Variants in MAGI2 observed in about 807,000 individuals in gnomAD.
The protein encoded by MAGI2 is membrane associated guanylate kinase, WW and PDZ domain containing 2.
MAGI2 carries 35 observed loss-of-function variants against 133.3 expected under a neutral mutation model. The observed-to-expected ratio is 0.26, with a 90% CI of 0.20 to 0.35. The LOEUF is 0.35. Ranked by LOEUF, MAGI2 falls within the 10% of genes least tolerant of loss-of-function variation. The pLI, the probability that MAGI2 is intolerant of heterozygous loss-of-function variation, is 1.00. For missense variants in MAGI2, 1,636 were observed against 1,863.4 expected, an observed-to-expected ratio of 0.88 and a Z score of 2.25; for synonymous variants, 729 against 710.6, an observed-to-expected ratio of 1.03 and a Z score of -0.41.
At chr7:79,298,477 G>T (rs983796688) in intron 1 of MAGI2, among the ~76,000 whole-genome samples, 1 of 152,002 alleles carries the variant, frequency 6.6e-6, no homozygotes, top group Non-Finnish European at 1.5e-5. Context: ...AAAAAAACCT[G>T]CCAGTGTTCT....
intron 2 of MAGI2, among the ~76,000 whole-genome samples, chr7:78,886,175 T>C (rs992669877): frequency 1.3e-5 from 2 of 152,216 alleles, no homozygotes; most frequent in Non-Finnish European, 2.9e-5. Flanking sequence ...TGTGATCAAG[T>C]TGACTTACCT....
chr7:78,162,300 C>T (rs544449786), intron 15 of MAGI2, among the ~76,000 whole-genome samples: 503 of 148,952 alleles, frequency 3.4e-3, no homozygotes, highest in African/African-American at 0.012. Flanking sequence ...CTGAGGCGGG[C>T]GGATCACGAG....
At chr7:79,181,160 C>A (rs1585135437) in intron 1 of MAGI2, among the ~76,000 whole-genome samples, 1 of 152,068 alleles carries the variant, frequency 6.6e-6, no homozygotes. Flanking sequence ...CCTCTTCTCA[C>A]AACTCCACTA....
chr7:79,002,315 GTGTTTTC>G (rs1429417708), intron 2 of MAGI2, among the ~76,000 whole-genome samples: 2 of 151,596 alleles, frequency 1.3e-5, no homozygotes, highest in African/African-American at 4.8e-5. Flanking sequence ...TGTAGAGATA[GTGTTTTC>G]TTAAGGGGTC....
intron 2 of MAGI2, among the ~76,000 whole-genome samples, chr7:78,739,818 C>T (rs924325720): frequency 6.6e-6 from 1 of 152,250 alleles, no homozygotes; most frequent in South Asian, 2.1e-4. Flanking sequence ...TTTCCCTCTT[C>T]ACGTCGGTAA....
At chr7:78,935,771 C>T (rs956857146) in intron 2 of MAGI2, among the ~76,000 whole-genome samples, 1 of 152,004 alleles carries the variant, frequency 6.6e-6, no homozygotes, top group Non-Finnish European at 1.5e-5. Context: ...AGATCATTGA[C>T]TCTCTGTAAA....
chr7:79,315,790 A>T lies in MAGI2; in HGVS notation c.301+137230T>A, dbSNP rs535791871. Among the ~76,000 whole-genome samples the T allele has an allele frequency of 4.1e-4, 63 of 152,262 alleles. 2 individuals are homozygous for T. In the South Asian group the frequency reaches 0.013, roughly 31 times the overall value. On this transcript the variant is annotated intron_variant, in intron 1 of 21. Coordinates refer to ENST00000354212, the MANE Select transcript of MAGI2 (RefSeq NM_012301.4). Reference sequence around the variant, plus strand: ...AAAAGAGGAGGCAGGAATGGAGTCAAGACTGGGTGGAGACCTGAGATGAGG... The same window carrying T: ...AAAAGAGGAGGCAGGAATGGAGTCATGACTGGGTGGAGACCTGAGATGAGG...
chr7:78,233,902 G>T (rs530393175), intron 10 of MAGI2, among the ~76,000 whole-genome samples: 1 of 152,130 alleles, frequency 6.6e-6, no homozygotes, highest in Non-Finnish European at 1.5e-5. Flanking sequence ...TCCTTAGCAT[G>T]AGGGAGAGAA....
chr7:78,213,758 C>T (rs988211544), intron 10 of MAGI2, among the ~76,000 whole-genome samples: 1 of 152,246 alleles, frequency 6.6e-6, no homozygotes, highest in Non-Finnish European at 1.5e-5. Context: ...CTTTGTCGAT[C>T]ATGCGACAGT....
At chr7:78,251,212 A>G (rs1792349767) in intron 10 of MAGI2, among the ~76,000 whole-genome samples, 1 of 152,204 alleles carries the variant, frequency 6.6e-6, no homozygotes, top group African/African-American at 2.4e-5. Flanking sequence ...CCAGCAAACC[A>G]AGAATAGAAG....
At chr7:79,382,115 T>C (rs2129143470) in intron 1 of MAGI2, among the ~76,000 whole-genome samples, 1 of 151,732 alleles carries the variant, frequency 6.6e-6, no homozygotes, top group East Asian at 1.9e-4. Context: ...ATTCCCAGTC[T>C]CCCCTTAAGT....
intron 1 of MAGI2, among the ~76,000 whole-genome samples, chr7:79,104,628 C>A (rs1818287869): frequency 6.6e-6 from 1 of 151,956 alleles, no homozygotes; most frequent in South Asian, 2.1e-4. Flanking sequence ...GAACGTGCCA[C>A]CGCACTTTAG....
At position 79,058,201 on chromosome 7, in the gene MAGI2, A is replaced by G. The variant is rs149503676; in HGVS notation, c.302-50995T>C. Reference sequence around the variant, plus strand: ...TTCAAGTCAGAAATTTATTTTGTAGATTAGACATTGACTCCCATTAGTTCA... The same window carrying G: ...TTCAAGTCAGAAATTTATTTTGTAGGTTAGACATTGACTCCCATTAGTTCA... On this transcript the variant is annotated intron_variant, in intron 1 of 21. Transcript: ENST00000354212. Among the ~76,000 whole-genome samples the G allele has an allele frequency of 3.9e-3, 594 of 152,254 alleles. 3 individuals are homozygous for G. Among genetic ancestry groups the G allele is most frequent in the African/African-American group, 0.014 (563 of 41,574 alleles).
At chr7:78,922,752 C>T (rs961005090) in intron 2 of MAGI2, among the ~76,000 whole-genome samples, 22 of 151,668 alleles carry the variant, frequency 1.5e-4, no homozygotes, top group Admixed American at 1.2e-3. Context: ...GTTCTAGATC[C>T]CTGAGGAATC....
At chr7:78,769,830 A>G (rs1825402658) in intron 2 of MAGI2, among the ~76,000 whole-genome samples, 1 of 152,208 alleles carries the variant, frequency 6.6e-6, no homozygotes, top group African/African-American at 2.4e-5. Context: ...TTCTTGTTAT[A>G]GTCTGTGGCA....
chr7:79,050,790 C>A (rs1182945824), intron 1 of MAGI2, among the ~76,000 whole-genome samples: 1 of 152,224 alleles, frequency 6.6e-6, no homozygotes, highest in Admixed American at 6.5e-5. Context: ...TGAAAGCCAA[C>A]TTTCTTGTGT....
At chr7:79,002,202 G>A (rs1806936558) in intron 2 of MAGI2, among the ~76,000 whole-genome samples, 1 of 150,562 alleles carries the variant, frequency 6.6e-6, no homozygotes, top group Non-Finnish European at 1.5e-5. Flanking sequence ...TGCAATCATG[G>A]CTCACTGCAG....
intron 7 of MAGI2, among the ~76,000 whole-genome samples, chr7:78,364,590 C>T (rs1793182987): frequency 6.6e-6 from 1 of 152,226 alleles, no homozygotes; most frequent in Non-Finnish European, 1.5e-5. Flanking sequence ...TCTCCACTAT[C>T]ATTTTAACTA....
intron 1 of MAGI2, among the ~76,000 whole-genome samples, chr7:79,263,131 A>T (rs554576666): frequency 1.3e-5 from 2 of 152,184 alleles, no homozygotes; most frequent in Non-Finnish European, 2.9e-5. Flanking sequence ...AAACAACAAT[A>T]ATAACCACAA....
Sources: allele counts gnomAD v4.1 joint callset (sites outside exome capture counted in the v4.1 genomes callset), GRCh38; gene constraint gnomAD v4.1.1; transcripts MANE v1.5; gene names NCBI Gene and HGNC (gene_info 2026-07-23, HGNC 2026-07-21).